The following ZNF678 variants were observed in gnomAD, a reference collection of about 807,000 sequenced individuals.
The protein encoded by ZNF678 is zinc finger protein 678.
Under a neutral mutation model 3.0 loss-of-function variants are expected in ZNF678, and 5 were observed. That is an observed-to-expected ratio of 1.69 (90% CI 0.88 to 3.56). The LOEUF (loss-of-function observed/expected upper bound fraction) is 3.56. Ranked by LOEUF, ZNF678 falls within the 30% of genes most tolerant of loss-of-function variation. ZNF678 has a pLI of 0.00. For synonymous variants in ZNF678, 218 were observed against 199.6 expected (o/e 1.09, Z -0.78); for missense variants, 593 against 605.0 (o/e 0.98, Z 0.21).
At chr1:227,629,456 C>T (rs1558148506) in intron 1 of ZNF678, among the ~76,000 whole-genome samples, 1 of 152,240 alleles carries the variant, frequency 6.6e-6, no homozygotes, top group Non-Finnish European at 1.5e-5. Context: ...AGTAAAGTTA[C>T]CCAGTCACAA....
chr1:227,664,760 G>A (rs1043960173), downstream of ZNF678, among the ~76,000 whole-genome samples: 11 of 152,038 alleles, frequency 7.2e-5, no homozygotes, highest in Middle Eastern at 3.4e-3. Context: ...GTCTGTCACC[G>A]AGAAAGTAAG....
In ZNF678 at chr1:227,656,480, T is replaced by C. The variant is rs1004510665; in HGVS notation, c.*652T>C. 6.6e-6 allele frequency: 1 copy of C among 151,820 alleles called. No homozygotes were observed. The highest frequency in any genetic ancestry group is 1.5e-5 in the Non-Finnish European group (1 of 67,810). 9.4% of individuals were successfully genotyped at this position (151,820 alleles called of 1,614,324 possible). Reference sequence around the variant, plus strand: ...ATCTCAAATAACTTGATTTTTATTATATTTATTGTTTATGTTAAAGTATGT... The same window carrying C: ...ATCTCAAATAACTTGATTTTTATTACATTTATTGTTTATGTTAAAGTATGT... On this transcript the variant is annotated 3_prime_UTR_variant, in exon 4 of 4. Coordinates refer to ENST00000343776, the MANE Select transcript of ZNF678 (RefSeq NM_001367909.1).
In ZNF678 at chr1:227,591,838, G is replaced by A. The variant is rs188681334; in HGVS notation, c.-164+28114G>A. Among the ~76,000 whole-genome samples, 11 of 152,278 alleles carry A rather than the reference G, an allele frequency of 7.2e-5. 1 individual carries two copies. The South Asian group carries it at 1.0e-3, about 14-fold the overall frequency. ...CTCAGTGACTTGATGTATACACTGCGAACAGCCCTCAGTCTGAGGAAGGTC... is the reference window on the plus strand; with the variant it reads ...CTCAGTGACTTGATGTATACACTGCAAACAGCCCTCAGTCTGAGGAAGGTC... On this transcript the variant is annotated intron_variant, in intron 1 of 3. Transcript: ENST00000343776.
At chr1:227,573,025 G>A (rs1449876120) in intron 1 of ZNF678, among the ~76,000 whole-genome samples, 1 of 152,242 alleles carries the variant, frequency 6.6e-6, no homozygotes, top group African/African-American at 2.4e-5. Flanking sequence ...GATGGAGAGA[G>A]TAGAGTGTGG....
intron 1 of ZNF678, among the ~76,000 whole-genome samples, chr1:227,587,506 T>A (rs1657292772): frequency 6.6e-6 from 1 of 152,174 alleles, no homozygotes; most frequent in African/African-American, 2.4e-5. Context: ...TAGAATAGAG[T>A]TTGCTTATCC....
In ZNF678 at chr1:227,600,922, G is replaced by A. The variant is rs922316663; in HGVS notation, c.-164+37198G>A. Among the ~76,000 whole-genome samples, 4 of 152,214 alleles carry A rather than the reference G, an allele frequency of 2.6e-5. No homozygotes were observed. In the South Asian group the frequency reaches 8.3e-4, roughly 32 times the overall value. ...GTTTAGTTATGGATTTTACATTTTA[G>A]TCTTTGATTCATCTTGAGTTTTGTG... On this transcript the variant is annotated intron_variant, in intron 1 of 3. Transcript: ENST00000343776.
At chr1:227,629,342 C>G (rs1658496255) in intron 1 of ZNF678, among the ~76,000 whole-genome samples, 1 of 152,206 alleles carries the variant, frequency 6.6e-6, no homozygotes, top group Non-Finnish European at 1.5e-5. Context: ...ATGGGTGTTC[C>G]TTCTCCTATG....
chr1:227,612,549 A>G (rs1207429291), intron 1 of ZNF678, among the ~76,000 whole-genome samples: 1 of 152,152 alleles, frequency 6.6e-6, no homozygotes, highest in Non-Finnish European at 1.5e-5. Flanking sequence ...TGACAAGGCA[A>G]ATTACCTTAC....
chr1:227,663,246 C>A (rs1336106779), downstream of ZNF678, among the ~76,000 whole-genome samples: 1 of 152,170 alleles, frequency 6.6e-6, no homozygotes, highest in Non-Finnish European at 1.5e-5. Flanking sequence ...GACAGCGTAG[C>A]AAACTGTTAT....
chr1:227,567,436 G>A (rs1167980227), intron 1 of ZNF678, among the ~76,000 whole-genome samples: 1 of 152,154 alleles, frequency 6.6e-6, no homozygotes, highest in African/African-American at 2.4e-5. Context: ...GTCATTGAAG[G>A]CCCGGTTCTT....
chr1:227,628,827 A>G (rs1046101524), intron 1 of ZNF678, among the ~76,000 whole-genome samples: 10 of 152,226 alleles, frequency 6.6e-5, no homozygotes, highest in African/African-American at 2.2e-4. Context: ...TACCTGGCCA[A>G]ATAGATGGGG....
chr1:227,606,872 G>A (rs986683865), intron 1 of ZNF678, among the ~76,000 whole-genome samples: 1 of 152,190 alleles, frequency 6.6e-6, no homozygotes, highest in African/African-American at 2.4e-5. Context: ...TACAGCACAT[G>A]TTTCTGTGAG....
chr1:227,644,989 T>A (rs528540518), intron 1 of ZNF678, among the ~76,000 whole-genome samples: 5 of 152,154 alleles, frequency 3.3e-5, no homozygotes, highest in African/African-American at 1.2e-4. Context: ...CTCTTTTGGT[T>A]TGGTGTGGTC....
chr1:227,654,728 A>G lies in ZNF678; in HGVS notation c.478A>G (p.Lys160Glu), dbSNP rs1429515696. 2 of 1,613,074 alleles carry G rather than the reference A, an allele frequency of 1.2e-6. No homozygotes were observed. Among genetic ancestry groups the G allele is most frequent in the East Asian group, 4.5e-5 (2 of 44,860 alleles). Residue 160 changes from lysine to glutamate, a missense_variant, in exon 4 of 4, where the codon AAA becomes GAA. Physicochemically the swap from Lys to Glu is moderately conservative, Grantham distance 56. Transcript: ENST00000343776. The stretch of plus-strand genomic sequence containing the variant: ...ACCCTACAAATGTGACGAATGTGGC[A>G]AAGTTTTTAATTGGTGGTCACAACT... The part of the protein sequence containing the change: ...EKPYKCDECG[K>E]VFNWWSQLTN...
At chr1:227,582,315 A>G (rs1001009705) in intron 1 of ZNF678, among the ~76,000 whole-genome samples, 1 of 151,716 alleles carries the variant, frequency 6.6e-6, no homozygotes, top group Non-Finnish European at 1.5e-5. Context: ...GTTATTATAT[A>G]TGTATATATG....
intron 1 of ZNF678, chr1:227,599,200 C>T: frequency 1.0e-6 from 1 of 970,574 alleles, no homozygotes; most frequent in Non-Finnish European, 1.6e-6. Context: ...TTAAATTTAA[C>T]TGGTTTCAGG....
At chr1:227,623,693 A>G (rs896029667) in intron 1 of ZNF678, among the ~76,000 whole-genome samples, 2 of 152,180 alleles carry the variant, frequency 1.3e-5, no homozygotes, top group Non-Finnish European at 2.9e-5. Context: ...TACTTTTCCT[A>G]TATGCTGCAT....
chr1:227,676,444 T>G (rs1319981445), intron 5 of ZNF678, among the ~76,000 whole-genome samples: 2 of 152,184 alleles, frequency 1.3e-5, no homozygotes, highest in Admixed American at 1.3e-4. Context: ...CCAAAAACCT[T>G]AAGACAGTGA....
intron 1 of ZNF678, among the ~76,000 whole-genome samples, chr1:227,600,558 A>G (rs2102749223): frequency 6.6e-6 from 1 of 152,316 alleles, no homozygotes; most frequent in African/African-American, 2.4e-5. Flanking sequence ...TGAGCTTTTT[A>G]AAAATGATTG....
Sources: gnomAD v4.1 joint callset for allele counts (sites outside exome capture counted in the v4.1 genomes callset) on GRCh38, gnomAD v4.1.1 for gene constraint, MANE v1.5 for transcripts, NCBI Gene and HGNC (gene_info 2026-07-23, HGNC 2026-07-21) for gene names.